Variants in CDC25B observed in about 807,000 individuals in gnomAD.
CDC25B encodes the protein cell division cycle 25B.
A neutral mutation model predicts 69.8 loss-of-function variants in CDC25B; 33 were observed. The ratio of observed to expected loss-of-function variants is 0.47; its 90% CI spans 0.36 to 0.63. The LOEUF is 0.63. CDC25B is among the 30% of genes least tolerant of loss of function. The pLI is 0.00. For missense variants in CDC25B, 727 were observed against 809.1 expected (o/e 0.90, Z 1.23); for synonymous variants, 341 against 314.6 (o/e 1.08, Z -0.89).
chr20:3,796,754 CA>C lies in CDC25B; in HGVS notation c.200+24del, dbSNP rs771547561. 4.5e-6 allele frequency: 7 copies of C among 1,546,368 alleles called. No individual in the cohort carries two copies. The African/African-American group carries it at 8.3e-5, about 18-fold the overall frequency. On this transcript the variant is annotated intron_variant, in intron 1 of 15. Coordinates refer to ENST00000245960, the MANE Select transcript of CDC25B (RefSeq NM_021873.4). ...CAGGTAGGACACCCCAAGGAGGCTG[CA>C]TATGGGGGTGAGAGGCTAGGTCTGG...
At chr20:3,800,137 G>A (rs2089220431) in intron 3 of CDC25B, 151 bp from the exon 4 acceptor site, 1 of 650,014 alleles carries the variant, frequency 1.5e-6, no homozygotes, top group Non-Finnish European at 2.7e-6. Flanking sequence ...GCCCCCTGAT[G>A]GTGGGCGTTC....
At position 3,801,843 on chromosome 20, in the gene CDC25B, G is replaced by A. The variant is rs2089293264; in HGVS notation, c.921+41G>A. The stretch of plus-strand genomic sequence containing the variant: ...GGCCCCCTCCGAATTTGGAGGCATG[G>A]GGTCCATCCTACTCTCCAGTGGATT... On this transcript the variant is annotated intron_variant, in intron 9 of 15. Transcript: ENST00000245960. 8.8e-6 allele frequency: 14 copies of A among 1,584,146 alleles called. No homozygotes were observed. In the South Asian group the frequency reaches 1.6e-4, roughly 18 times the overall value.
Position 3,801,003 on chromosome 20 carries a change from C to T in CDC25B, c.615C>T (p.Pro205=), listed in dbSNP as rs1280346427. 3 of 1,614,036 alleles carry T rather than the reference C, an allele frequency of 1.9e-6. No homozygotes were observed. In the East Asian group the frequency reaches 6.7e-5, roughly 36 times the overall value. The part of the protein sequence containing the change: ...DGFVFKMPWK[P]THPSSTHALA... ...TTGTCTTCAAGATGCCATGGAAGCC[C>T]ACACATCCCAGCTCCACCCATGCTC... Residue 205 remains proline (P), a synonymous_variant, in exon 7 of 16, where the codon CCC becomes CCT. Coordinates refer to ENST00000245960, the MANE Select transcript of CDC25B (RefSeq NM_021873.4).
In CDC25B at chr20:3,797,672, G is replaced by C; in HGVS notation, c.251G>C (p.Arg84Pro). Residue 84 changes from arginine to proline, a missense_variant, in exon 2 of 16, where the codon CGC (arginine) becomes CCC (proline). Physicochemically the swap from Arg to Pro is moderately radical, Grantham distance 103 (BLOSUM62 -2). Transcript: ENST00000245960. ...ACCCTGCTCTTCCGCAGCCGCAGCC[G>C]CCTGACGCACCTATCCCTGTCTCGA... The part of the protein sequence containing the change: ...VGTLLFRSRS[R>P]LTHLSLSRRA... 1.2e-6 allele frequency: 2 copies of C among 1,614,058 alleles called. No homozygotes were observed. Among genetic ancestry groups the C allele is most frequent in the Non-Finnish European group, 1.7e-6 (2 of 1,180,002 alleles).
At chr20:3,796,985 A>C (rs2089079961) in intron 1 of CDC25B, among the ~76,000 whole-genome samples, 1 of 150,088 alleles carries the variant, frequency 6.7e-6, no homozygotes, top group Non-Finnish European at 1.5e-5. Flanking sequence ...CTTTCCCCTC[A>C]CTCCCTCCTC....
chr20:3,793,548 G>GTTT (rs200570744), upstream of CDC25B, among the ~76,000 whole-genome samples: 1 of 126,430 alleles, frequency 7.9e-6, no homozygotes, highest in South Asian at 2.5e-4. Context: ...TGGGATTTCT[G>GTTT]TTTTTTTTTT....
rs751745834 is a variant in CDC25B at position 3,801,231 on chromosome 20, GTGTC to G, written c.706-14_706-11del. 1 of 1,612,280 alleles carries G rather than the reference GTGTC, an allele frequency of 6.2e-7. No individual in the cohort carries two copies. The highest frequency in any genetic ancestry group is 1.7e-5 in the Admixed American group (1 of 59,900). On this transcript the variant is annotated intron_variant, in intron 7 of 15. Coordinates refer to ENST00000245960, the MANE Select transcript of CDC25B (RefSeq NM_021873.4). Reference sequence around the variant, plus strand: ...GGGAACTATCTCCACCTCTAAGTCTGTGTCTGTCTGTCATGTGGACAGTGTCTCA... The same window carrying G: ...GGGAACTATCTCCACCTCTAAGTCTGTGTCTGTCATGTGGACAGTGTCTCA...
upstream of CDC25B, chr20:3,796,135 T>C: frequency 1.8e-6 from 2 of 1,081,414 alleles, no homozygotes; most frequent in Non-Finnish European, 2.2e-6. Context: ...GTGGGATAAA[T>C]CTTAATTCCT....
chr20:3,789,967 C>T (rs2088886366), intron 1 of CDC25B, among the ~76,000 whole-genome samples: 1 of 150,360 alleles, frequency 6.7e-6, no homozygotes. Flanking sequence ...CCAGCCTGGG[C>T]GACAGAGCAA....
At chr20:3,801,537 G>A in intron 8 of CDC25B, 149 bp downstream of exon 8, 1 of 1,149,134 alleles carries the variant, frequency 8.7e-7, no homozygotes, top group Non-Finnish European at 1.2e-6. Context: ...CTAACCTCTG[G>A]CCAATGAGAG....
Position 3,802,089 on chromosome 20 carries a change from G to C in CDC25B, c.1087G>C (p.Ala363Pro). Residue 363 changes from alanine to proline, a missense_variant, in exon 10 of 16, where the codon GCT (alanine) becomes CCT (proline). Transcript: ENST00000245960. The stretch of plus-strand genomic sequence containing the variant: ...GACCCCTCCTGAGGAGCAGCAGGAG[G>C]CTGAGGAACCTGTGAGTGCCTTCCT... ...SVTPPEEQQE[A>P]EEPKARVLRS... 1 of 1,552,552 alleles carries C rather than the reference G, an allele frequency of 6.4e-7. No homozygotes were observed. The highest frequency in any genetic ancestry group is 8.7e-7 in the Non-Finnish European group (1 of 1,146,982).
chr20:3,795,499 A>G (rs2146661285), upstream of CDC25B, among the ~76,000 whole-genome samples: 1 of 152,372 alleles, frequency 6.6e-6, no homozygotes, highest in Non-Finnish European at 1.5e-5. Flanking sequence ...AGTTAGCCAA[A>G]TCATCAATGG....
rs202155757 is a variant in CDC25B at position 3,800,975 on chromosome 20, G to C, written c.587G>C (p.Gly196Ala). 90 of 1,614,028 alleles carry C rather than the reference G, an allele frequency of 5.6e-5. No individual in the cohort carries two copies. The African/African-American group carries it at 1.1e-3, about 20-fold the overall frequency. Residue 196 changes from glycine to alanine, a missense_variant, in exon 7 of 16, where the codon GGA becomes GCA. This residue lies in a region of CDC25B where 368 missense variants were observed against 345.6 expected (regional missense o/e 1.06). Coordinates refer to ENST00000245960, the MANE Select transcript of CDC25B (RefSeq NM_021873.4). Reference protein sequence around the residue: ...SSSGEDKENDGFVFKMPWKPT... With the variant: ...SSSGEDKENDAFVFKMPWKPT... ...CCTCTCCCATCTTGGCTGCAGGATGGATTTGTCTTCAAGATGCCATGGAAG... is the reference window on the plus strand; with the variant it reads ...CCTCTCCCATCTTGGCTGCAGGATGCATTTGTCTTCAAGATGCCATGGAAG...
In CDC25B at chr20:3,798,424, A is replaced by T; in HGVS notation, c.341A>T (p.Asp114Val). 2 of 1,584,208 alleles carry T rather than the reference A, an allele frequency of 1.3e-6. No individual in the cohort carries two copies. The highest frequency in any genetic ancestry group is 1.2e-5 in the South Asian group (1 of 86,912). Residue 114 changes from aspartate (D) to valine (V), a missense_variant, in exon 3 of 16, where the codon GAT (aspartate) becomes GTT (valine). Physicochemically the swap from Asp to Val is radical, Grantham distance 152 (BLOSUM62 -3). This residue lies in a region of CDC25B where 368 missense variants were observed against 345.6 expected (regional missense o/e 1.06). Transcript: ENST00000245960. ...SESSDAGLCM[D>V]SPSPMDPHMA... The stretch of plus-strand genomic sequence containing the variant: ...TCTGTCCCCTCAGGTCTCTGCATGG[A>T]TTCCCCCAGCCCTATGGACCCCCAC...
In CDC25B at chr20:3,805,962, C is replaced by T. The variant is rs2089460862; in HGVS notation, c.*1001C>T. The T allele has an allele frequency of 5.0e-6, 2 of 401,306 alleles. No homozygotes were observed. Among genetic ancestry groups the T allele is most frequent in the Non-Finnish European group, 8.8e-6 (2 of 226,914 alleles). The allele number at this position is 401,306 out of a possible 1,614,324, so 24.9% of individuals were successfully genotyped here. On this transcript the variant is annotated 3_prime_UTR_variant, in exon 16 of 16. Coordinates refer to ENST00000245960, the MANE Select transcript of CDC25B (RefSeq NM_021873.4). ...AAATATTTACACTTAGGGTTTGGAG[C>T]TATTCAAGAGGAAATGTCACAGAAG...
chr20:3,800,762 GC>G lies in CDC25B; in HGVS notation c.483del (p.Val162CysfsTer73). 6.2e-7 allele frequency: 1 copy of G among 1,610,284 alleles called. No homozygotes were observed. On this transcript the variant is annotated frameshift_variant, in exon 6 of 16. Transcript: ENST00000245960. LOFTEE classifies it high-confidence loss of function. The stretch of plus-strand genomic sequence containing the variant: ...CTCTAGGTGAGGCTGCTGGGCCACA[GC>G]CCCGTGCTTCGGAACATCACCAACT... ...QSMPVRLLGH[S>X]PVLRNITNSQ...
upstream of CDC25B, chr20:3,795,755 C>T (rs1271450016): frequency 1.0e-6 from 1 of 985,546 alleles, no homozygotes. Flanking sequence ...CTGCTCAGCG[C>T]AGCCAGTCGC....
chr20:3,798,501 G>T, intron 3 of CDC25B, 38 bp downstream of exon 3: 1 of 1,493,996 alleles, frequency 6.7e-7, no homozygotes, highest in Non-Finnish European at 9.2e-7. Context: ...CAAGCATTCA[G>T]CACCTGTCTT....
rs144187197 is a variant in CDC25B at position 3,801,737 on chromosome 20, C to G, written c.856C>G (p.Pro286Ala). ...ESDLKDDDAV[P>A]PGMESLISAP... The stretch of plus-strand genomic sequence containing the variant: ...CTGGCCTCAGGATGATGATGCAGTT[C>G]CCCCAGGCATGGAGAGTCTCATTAG... The change falls in exon 9 of 16, where the codon CCC becomes GCC. Residue 286 changes from proline (P) to alanine (A), a missense_variant. Pro to Ala is a conservative substitution (Grantham distance 27). Around this residue, in one of 2 missense-constraint regions of CDC25B, gnomAD observed 359 missense variants for 463.4 expected, o/e 0.77. Transcript: ENST00000245960. The G allele has an allele frequency of 1.8e-4, 293 of 1,603,002 alleles. 1 individual carries two copies. Among genetic ancestry groups the G allele is most frequent in the Admixed American group, 5.2e-5 (3 of 57,440 alleles).
Sources: gnomAD v4.1 joint callset for allele counts (sites outside exome capture counted in the v4.1 genomes callset) on GRCh38, gnomAD v4.1.1 for gene constraint, gnomAD v4.1.1 regional missense constraint, MANE v1.5 for transcripts, NCBI Gene and HGNC (gene_info 2026-07-23, HGNC 2026-07-21) for gene names.